The following SSBP2 variants were observed in gnomAD, a reference collection of about 807,000 sequenced individuals.
The protein encoded by SSBP2 is single stranded DNA binding protein 2.
In SSBP2, 17 loss-of-function variants were observed where a neutral mutation model predicts 61.8. The observed-to-expected ratio is 0.28, with a 90% CI of 0.19 to 0.41. The LOEUF is 0.41. SSBP2 is among the 10% of genes least tolerant of loss of function. The pLI, the probability that SSBP2 is intolerant of heterozygous loss-of-function variation, is 1.00. For synonymous variants in SSBP2, 139 were observed against 141.3 expected, an observed-to-expected ratio of 0.98 and a Z score of 0.12; for missense variants, 310 against 458.7, an observed-to-expected ratio of 0.68 and a Z score of 2.96.
chr5:81,490,350 TTTTA>T (rs576130740), intron 5 of SSBP2, among the ~76,000 whole-genome samples: 8 of 152,172 alleles, frequency 5.3e-5, no homozygotes, highest in South Asian at 2.1e-4. Flanking sequence ...AAATTTGATT[TTTTA>T]TTTATTTTTC....
intron 15 of SSBP2, among the ~76,000 whole-genome samples, chr5:81,434,326 T>C (rs1353571086): frequency 2.0e-5 from 3 of 152,028 alleles, no homozygotes; most frequent in Non-Finnish European, 4.4e-5. Flanking sequence ...TGGAGAACTA[T>C]AGAGCTGTGG....
At chr5:81,497,786 C>T (rs1767401042) in intron 5 of SSBP2, among the ~76,000 whole-genome samples, 1 of 152,120 alleles carries the variant, frequency 6.6e-6, no homozygotes, top group Non-Finnish European at 1.5e-5. Flanking sequence ...GTTTCTCTTA[C>T]TGTTTCTGGG....
At chr5:81,597,801 T>A (rs1743929374) in intron 4 of SSBP2, among the ~76,000 whole-genome samples, 1 of 132,640 alleles carries the variant, frequency 7.5e-6, no homozygotes, top group Non-Finnish European at 1.5e-5. Flanking sequence ...AGGTGGGAAA[T>A]GAACAATGAG....
intron 5 of SSBP2, among the ~76,000 whole-genome samples, chr5:81,511,421 G>A (rs190296826): frequency 1.3e-5 from 2 of 151,970 alleles, no homozygotes; most frequent in Non-Finnish European, 2.9e-5. Context: ...ATCTCTGATG[G>A]CTCCTACTGA....
At chr5:81,591,729 AAACT>A (rs1161403119) in intron 4 of SSBP2, among the ~76,000 whole-genome samples, 1 of 152,208 alleles carries the variant, frequency 6.6e-6, no homozygotes, top group Non-Finnish European at 1.5e-5. Context: ...AAAAGTACTC[AAACT>A]GAAACACAGA....
chr5:81,648,530 T>TACC (rs778543756), intron 2 of SSBP2, among the ~76,000 whole-genome samples: 10 of 152,062 alleles, frequency 6.6e-5, no homozygotes, highest in African/African-American at 9.7e-5. Flanking sequence ...AAGAAGGCTA[T>TACC]ACCTCAGGCA....
chr5:81,515,375 A>G (rs1197603052), intron 4 of SSBP2, among the ~76,000 whole-genome samples: 2 of 151,990 alleles, frequency 1.3e-5, no homozygotes, highest in Non-Finnish European at 2.9e-5. Context: ...AACAACAAAA[A>G]GACATATTAA....
chr5:81,494,100 CA>C, intron 5 of SSBP2, among the ~76,000 whole-genome samples: 2 of 152,244 alleles, frequency 1.3e-5, no homozygotes, highest in East Asian at 3.9e-4. Flanking sequence ...TTCTCTTCAC[CA>C]AATGGCGAGT....
At chr5:81,474,752 T>TA (rs1173145750) in intron 6 of SSBP2, among the ~76,000 whole-genome samples, 190 bp from the exon 7 acceptor site, 1 of 152,196 alleles carries the variant, frequency 6.6e-6, no homozygotes, top group East Asian at 1.9e-4. Flanking sequence ...TTCTTAGTTC[T>TA]AAAAAGATTC....
rs943960684 is a variant in SSBP2 at position 81,498,630 on chromosome 5, G to C, written c.373-9321C>G. 5.3e-5 allele frequency among the ~76,000 whole-genome samples: 8 copies of C among 151,974 alleles called. No individual in the cohort carries two copies. The East Asian group carries it at 1.5e-3, about 29-fold the overall frequency. On this transcript the variant is annotated intron_variant, in intron 5 of 16. Coordinates refer to ENST00000320672, the MANE Select transcript of SSBP2 (RefSeq NM_012446.5). The stretch of plus-strand genomic sequence containing the variant: ...TAAAAAAGTAGTACTTATTATTCAT[G>C]ATGTGCCCTTTTTTAGTTAATTTAA...
intron 4 of SSBP2, among the ~76,000 whole-genome samples, chr5:81,557,480 T>C (rs1369832906): frequency 6.6e-6 from 1 of 152,168 alleles, no homozygotes; most frequent in Non-Finnish European, 1.5e-5. Flanking sequence ...ATTCTAAGTA[T>C]ATTAGGCTTT....
At chr5:81,545,036 G>C (rs777658276) in intron 4 of SSBP2, among the ~76,000 whole-genome samples, 1 of 152,282 alleles carries the variant, frequency 6.6e-6, no homozygotes, top group Non-Finnish European at 1.5e-5. Flanking sequence ...GTACAAAGTA[G>C]AGCCACCCAC....
At chr5:81,615,304 C>T (rs1009975091) in intron 4 of SSBP2, 169 bp downstream of exon 4, 32 of 622,986 alleles carry the variant, frequency 5.1e-5, no homozygotes, top group Middle Eastern at 4.3e-4. Flanking sequence ...ACTCAAATGC[C>T]CCTTTCTATT....
intron 1 of SSBP2, among the ~76,000 whole-genome samples, chr5:81,663,959 TTTGAG>T (rs1417456735): frequency 2.0e-5 from 3 of 152,200 alleles, no homozygotes; most frequent in Non-Finnish European, 2.9e-5. Flanking sequence ...TTTAAAATTC[TTTGAG>T]TTAATTCACT....
Position 81,715,964 on chromosome 5 carries a change from G to A in SSBP2, c.62+35017C>T, listed in dbSNP as rs182006474. 5.3e-5 allele frequency among the ~76,000 whole-genome samples: 8 copies of A among 152,096 alleles called. No individual in the cohort carries two copies. The East Asian group carries it at 1.4e-3, about 26-fold the overall frequency. On this transcript the variant is annotated intron_variant, in intron 1 of 16. Transcript: ENST00000320672. ...TCCCAGCTACTTGGGAGGCTGAGGC[G>A]GGAAGATCACTGTGCCCAGGAGGTG...
intron 4 of SSBP2, among the ~76,000 whole-genome samples, chr5:81,533,597 G>T (rs1229486517): frequency 6.6e-6 from 1 of 152,014 alleles, no homozygotes; most frequent in Non-Finnish European, 1.5e-5. Context: ...AAAGTAAAAA[G>T]CTGAACAAAC....
intron 2 of SSBP2, 62 bp from the exon 3 acceptor site, chr5:81,636,680 GTAA>G: frequency 8.4e-7 from 1 of 1,189,048 alleles, no homozygotes; most frequent in Non-Finnish European, 1.2e-6. Flanking sequence ...ATATTACAAA[GTAA>G]TAATATCCCC....
At chr5:81,475,459 T>C (rs1374391138) in intron 6 of SSBP2, among the ~76,000 whole-genome samples, 1 of 152,126 alleles carries the variant, frequency 6.6e-6, no homozygotes, top group African/African-American at 2.4e-5. Flanking sequence ...AAGTCATTTT[T>C]GTAGTTTTTC....
intron 4 of SSBP2, among the ~76,000 whole-genome samples, chr5:81,588,460 A>G (rs1775243572): frequency 6.6e-6 from 1 of 152,140 alleles, no homozygotes; most frequent in Non-Finnish European, 1.5e-5. Context: ...TCTTGCCAGT[A>G]GTCCATACTG....
Sources: allele counts gnomAD v4.1 joint callset (sites outside exome capture counted in the v4.1 genomes callset), GRCh38; gene constraint gnomAD v4.1.1; transcripts MANE v1.5; gene names NCBI Gene and HGNC (gene_info 2026-07-23, HGNC 2026-07-21).